The following ADORA2B variants were observed in gnomAD, a reference collection of about 807,000 sequenced individuals.
ADORA2B encodes adenosine A2b receptor.
ADORA2B carries 18 observed loss-of-function variants against 20.8 expected under a neutral mutation model. The observed-to-expected ratio is 0.87, with a 90% CI of 0.60 to 1.29. ADORA2B has a LOEUF of 1.29. ADORA2B is among the 50% of genes most tolerant of loss of function. The pLI is 0.00. For missense variants in ADORA2B, 441 were observed against 422.7 expected (o/e 1.04, Z -0.38); for synonymous variants, 179 against 178.3 (o/e 1.00, Z -0.03).
At chr17:15,878,601 G>A in the ADORA2B span, among the ~76,000 whole-genome samples, 5 of 152,058 alleles carry the variant, frequency 3.3e-5, no homozygotes, top group African/African-American at 4.8e-5. Context: ...TATACCTCTT[G>A]TACTTTTTTG....
the ADORA2B span, among the ~76,000 whole-genome samples, chr17:15,884,935 C>CA: frequency 6.6e-6 from 1 of 152,140 alleles, no homozygotes; most frequent in South Asian, 2.1e-4. Flanking sequence ...GGTATATGCC[C>CA]AGAAATGAGA....
the ADORA2B span, among the ~76,000 whole-genome samples, chr17:15,917,048 C>A: frequency 2.0e-5 from 3 of 152,226 alleles, no homozygotes; most frequent in African/African-American, 7.2e-5. Flanking sequence ...AGGCCGGGCA[C>A]AGTGGCTTCC....
At chr17:15,953,172 C>T (rs1486945762) in intron 1 of ADORA2B, among the ~76,000 whole-genome samples, 4 of 152,038 alleles carry the variant, frequency 2.6e-5, no homozygotes, top group East Asian at 1.9e-4. Flanking sequence ...TTGGGTGCTT[C>T]GCACCCGTGA....
chr17:15,930,112 C>T, the ADORA2B span, among the ~76,000 whole-genome samples: 6 of 152,144 alleles, frequency 3.9e-5, no homozygotes, highest in South Asian at 2.1e-4. Flanking sequence ...TCTGACCCCA[C>T]ACCCTGCAGG....
At chr17:15,907,372 C>G in the ADORA2B span, among the ~76,000 whole-genome samples, 2 of 152,142 alleles carry the variant, frequency 1.3e-5, no homozygotes, top group South Asian at 2.1e-4. Context: ...GACCATTGTG[C>G]TAAGTTCAGC....
chr17:15,969,520 T>C (rs1456156064), intron 1 of ADORA2B, among the ~76,000 whole-genome samples: 1 of 152,184 alleles, frequency 6.6e-6, no homozygotes, highest in African/African-American at 2.4e-5. Context: ...CTGATCATTT[T>C]CAGCAGTGTG....
the ADORA2B span, among the ~76,000 whole-genome samples, chr17:15,858,279 T>C: frequency 6.6e-6 from 1 of 152,172 alleles, no homozygotes; most frequent in African/African-American, 2.4e-5. Context: ...TTCTGGGTTT[T>C]GATGATGGCC....
intron 1 of ADORA2B, among the ~76,000 whole-genome samples, chr17:15,946,236 C>T (rs1330808173): frequency 1.3e-5 from 2 of 152,244 alleles, no homozygotes; most frequent in Non-Finnish European, 2.9e-5. Context: ...AGTTACAATG[C>T]TTCCTCGTGT....
At chr17:15,934,382 T>C in the ADORA2B span, among the ~76,000 whole-genome samples, 2 of 152,138 alleles carry the variant, frequency 1.3e-5, no homozygotes, top group Non-Finnish European at 2.9e-5. Context: ...CATGCCACTA[T>C]GCCTGGCTAA....
chr17:15,858,302 G>A, the ADORA2B span, among the ~76,000 whole-genome samples: 1 of 152,034 alleles, frequency 6.6e-6, no homozygotes, highest in Non-Finnish European at 1.5e-5. Context: ...CCTAACAGGT[G>A]TGAGGTGGCA....
upstream of ADORA2B, among the ~76,000 whole-genome samples, chr17:15,941,135 C>A (rs986381490): frequency 6.6e-5 from 10 of 152,190 alleles, no homozygotes; most frequent in Admixed American, 1.3e-4. Context: ...CTTCCACTTT[C>A]ACCAGTGAAA....
At chr17:15,947,288 T>C (rs1387102458) in intron 1 of ADORA2B, among the ~76,000 whole-genome samples, 1 of 152,194 alleles carries the variant, frequency 6.6e-6, no homozygotes, top group Non-Finnish European at 1.5e-5. Flanking sequence ...CAGCCTGAGT[T>C]GTCCATCTAA....
intron 1 of ADORA2B, among the ~76,000 whole-genome samples, chr17:15,949,566 A>G (rs1484872587): frequency 1.3e-5 from 2 of 151,968 alleles, no homozygotes; most frequent in Non-Finnish European, 2.9e-5. Context: ...TTCACTGGTA[A>G]TGTTCGAAAT....
upstream of ADORA2B, chr17:15,945,093 G>A (rs1969781252): frequency 3.5e-6 from 2 of 572,434 alleles, no homozygotes; most frequent in East Asian, 3.9e-5. Context: ...GCCCCGACCC[G>A]TGGGTCCCGG....
At chr17:15,956,161 A>G (rs553750312) in intron 1 of ADORA2B, among the ~76,000 whole-genome samples, 1 of 152,098 alleles carries the variant, frequency 6.6e-6, no homozygotes, top group Non-Finnish European at 1.5e-5. Context: ...TAGCATTCAT[A>G]TGTTTACTTT....
chr17:15,900,778 G>A, the ADORA2B span, among the ~76,000 whole-genome samples: 1 of 152,270 alleles, frequency 6.6e-6, no homozygotes, highest in African/African-American at 2.4e-5. Flanking sequence ...CATTCTGACT[G>A]GTGTGAGAGG....
chr17:15,947,960 G>GC (rs1969830822), intron 1 of ADORA2B, among the ~76,000 whole-genome samples: 1 of 152,162 alleles, frequency 6.6e-6, no homozygotes, highest in Non-Finnish European at 1.5e-5. Flanking sequence ...GGTGCATGGC[G>GC]CCCCAAGCAC....
At chr17:15,878,213 A>G in the ADORA2B span, among the ~76,000 whole-genome samples, 2 of 142,194 alleles carry the variant, frequency 1.4e-5, no homozygotes, top group Non-Finnish European at 3.1e-5. Flanking sequence ...ACACACACAC[A>G]CATTATATAA....
chr17:15,902,748 C>G, the ADORA2B span, among the ~76,000 whole-genome samples: 2 of 152,168 alleles, frequency 1.3e-5, no homozygotes, highest in Non-Finnish European at 2.9e-5. Flanking sequence ...TGTATCAGAG[C>G]TGACATACCA....
Sources: gnomAD v4.1 joint callset for allele counts (sites outside exome capture counted in the v4.1 genomes callset) on GRCh38, gnomAD v4.1.1 for gene constraint, MANE v1.5 for transcripts, NCBI Gene and HGNC (gene_info 2026-07-23, HGNC 2026-07-21) for gene names.